PYCR3: variants seen among roughly 807,000 people sequenced by gnomAD.
PYCR3 encodes P5C reductase 3.
In PYCR3, 26 loss-of-function variants were observed where a neutral mutation model predicts 23.4. The ratio of observed to expected loss-of-function variants is 1.11; its 90% CI spans 0.81 to 1.54. The LOEUF is 1.54. Among genes scored for constraint, PYCR3 ranks in the 40% most tolerant of loss-of-function variants. The pLI, the probability that PYCR3 is intolerant of heterozygous loss-of-function variation, is 0.00. For synonymous variants in PYCR3, 194 were observed against 162.6 expected, an observed-to-expected ratio of 1.19 and a Z score of -1.47; for missense variants, 360 against 376.3, an observed-to-expected ratio of 0.96 and a Z score of 0.36.
At position 143,603,912 on chromosome 8, in the gene PYCR3, T is replaced by TC. The variant is rs1241823106; in HGVS notation, c.*1787dup. On this transcript the variant is annotated 3_prime_UTR_variant, in exon 6 of 6. Coordinates refer to ENST00000495276, the MANE Select transcript of PYCR3 (RefSeq NM_023078.6). ...GCATTGGACCTTCTTTTTTTTTTTT[T>TC]CCAAGACAGAGTCTTGCTGTCACCC... is the stretch of plus-strand genomic sequence containing the variant. The TC allele has an allele frequency of 6.6e-6, 1 of 151,824 alleles. No homozygotes were observed. The highest frequency in any genetic ancestry group is 1.5e-5 in the Non-Finnish European group (1 of 67,890). The allele number at this position is 151,824 out of a possible 1,614,324, so 9.4% of individuals were successfully genotyped here.
rs1190302915 is a variant in PYCR3, at chr8:143,605,805, G to A, written c.720C>T (p.Thr240=). ...CCAGGGCGTGGAGTCCATAGATGGT[G>A]GTGCCACCCGGGGTGCACACGTCTG... The part of the protein sequence containing the change: ...LRSDVCTPGG[T]TIYGLHALEQ... Residue 240 remains threonine, a synonymous_variant, in exon 6 of 6, where the codon ACC becomes ACT. Coordinates refer to ENST00000495276, the MANE Select transcript of PYCR3 (RefSeq NM_023078.6). 1 of 1,612,224 alleles carries A rather than the reference G, an allele frequency of 6.2e-7. No homozygotes were observed. The highest frequency in any genetic ancestry group is 1.7e-5 in the Admixed American group (1 of 60,016).
Position 143,608,083 on chromosome 8 carries a change from G to A in PYCR3, c.135C>T (p.Asp45=). 1 of 1,613,734 alleles carries A rather than the reference G, an allele frequency of 6.2e-7. No homozygotes were observed. Among genetic ancestry groups the A allele is most frequent in the Non-Finnish European group, 8.5e-7 (1 of 1,179,738 alleles). ...AQHILASAPT[D]RNLCHFQALG... is the part of the protein sequence containing the mutation. ...TCACTTGAAAGTGACATAGGTTCCT[G>A]TCTGTTGGTGCACTGGCCAGTATGT... is the stretch of plus-strand genomic sequence containing the variant. The change falls in exon 2 of 6, where the codon GAC becomes GAT. Residue 45 remains aspartate (D), a synonymous_variant. Coordinates refer to ENST00000495276, the MANE Select transcript of PYCR3 (RefSeq NM_023078.6).
intron 1 of PYCR3, chr8:143,608,381 A>T (rs1458849268): frequency 1.9e-6 from 1 of 526,430 alleles, no homozygotes. Context: ...ATTGGTGAGG[A>T]CACAGATCCC....
chr8:143,606,235 AG>A, intron 4 of PYCR3, 81 bp from the exon 5 acceptor site: 2 of 1,394,230 alleles, frequency 1.4e-6, no homozygotes, highest in Non-Finnish European at 2.0e-6. Flanking sequence ...TGCCCAGAGC[AG>A]TAGCCGTGGG....
rs145694073 is a variant in PYCR3 at position 143,608,612 on chromosome 8, G to A, written c.92-486C>T. Among the ~76,000 whole-genome samples the A allele has an allele frequency of 2.6e-4, 40 of 152,336 alleles. No individual in the cohort carries two copies. In the East Asian group the frequency reaches 7.1e-3, roughly 27 times the overall value. ...GGTAGAAATTATCTGCTTTTGTCGG[G>A]TACGGGGTGGAAAGATTGGGTTAGA... On this transcript the variant is annotated intron_variant, in intron 1 of 5. Transcript: ENST00000495276.
In PYCR3 at chr8:143,604,574, C is replaced by T; in HGVS notation, c.*1126G>A. 1 of 307,790 alleles carries T rather than the reference C, an allele frequency of 3.2e-6. No homozygotes were observed. Among genetic ancestry groups the T allele is most frequent in the Non-Finnish European group, 6.3e-6 (1 of 159,264 alleles). The allele number at this position is 307,790 out of a possible 1,614,324, so 19.1% of individuals were successfully genotyped here. A position where few individuals can be genotyped will look rare whatever the true frequency, so the allele number is the denominator to read the frequency against. The stretch of plus-strand genomic sequence containing the variant: ...TCGCTGAGGGCATGCTCCCGCCTCA[C>T]CTCCAGAGGCTGTTGGGCGGAAGCC... On this transcript the variant is annotated 3_prime_UTR_variant, in exon 6 of 6. Transcript: ENST00000495276.
At chr8:143,609,030 C>G (rs984847493) in intron 1 of PYCR3, among the ~76,000 whole-genome samples, 3 of 152,262 alleles carry the variant, frequency 2.0e-5, no homozygotes, top group East Asian at 1.9e-4. Flanking sequence ...CTCCTCCCCC[C>G]ACCCAGGGGA....
chr8:143,604,692 C>T lies in PYCR3; in HGVS notation c.*1008G>A. Reference sequence around the variant, plus strand: ...GAGCTGAGGCTGTCCGGCCCGGGCCCTCCCCACCCAAAGGCCCTAGAACCC... The same window carrying T: ...GAGCTGAGGCTGTCCGGCCCGGGCCTTCCCCACCCAAAGGCCCTAGAACCC... On this transcript the variant is annotated 3_prime_UTR_variant, in exon 6 of 6. Transcript: ENST00000495276. The T allele has an allele frequency of 6.0e-6, 2 of 331,626 alleles. No individual in the cohort carries two copies. Among genetic ancestry groups the T allele is most frequent in the Non-Finnish European group, 1.2e-5 (2 of 170,866 alleles). The allele number at this position is 331,626 out of a possible 1,614,324, so 20.5% of individuals were successfully genotyped here. A position where few individuals can be genotyped will look rare whatever the true frequency, so the allele number is the denominator to read the frequency against.
Position 143,604,685 on chromosome 8 carries a change from C to T in PYCR3, c.*1015G>A, listed in dbSNP as rs1220099847. On this transcript the variant is annotated 3_prime_UTR_variant, in exon 6 of 6. Transcript: ENST00000495276. ...GGGGACGGAGCTGAGGCTGTCCGGC[C>T]CGGGCCCTCCCCACCCAAAGGCCCT... 1.2e-5 allele frequency: 4 copies of T among 329,120 alleles called. No homozygotes were observed. Among genetic ancestry groups the T allele is most frequent in the Non-Finnish European group, 2.4e-5 (4 of 169,636 alleles). The allele number at this position is 329,120 out of a possible 1,614,324, so 20.4% of individuals were successfully genotyped here.
chr8:143,606,977 C>T lies in PYCR3; in HGVS notation c.312G>A (p.Gly104=), dbSNP rs200836438. The change falls in exon 3 of 6, where the codon GGG becomes GGA. Residue 104 remains glycine (G), a synonymous_variant. Coordinates refer to ENST00000495276, the MANE Select transcript of PYCR3 (RefSeq NM_023078.6). ...TEHILVSVAA[G]VSLSTLEELL... is the part of the protein sequence containing the mutation. The stretch of plus-strand genomic sequence containing the variant: ...CCTCCTCCAGGGTGCTCAGAGACAC[C>T]CCAGCAGCCACGGACACCAAGATGT... 2.5e-6 allele frequency: 4 copies of T among 1,607,988 alleles called. No individual in the cohort carries two copies. The Admixed American group carries it at 6.7e-5, about 27-fold the overall frequency.
At position 143,603,934 on chromosome 8, in the gene PYCR3, ACCCAGGCTGGAGTGCAGTG is replaced by A. The variant is rs1829320315; in HGVS notation, c.*1747_*1765del. ...TTTTCCAAGACAGAGTCTTGCTGTC[ACCCAGGCTGGAGTGCAGTG>A]GCATGATCTTGGCTCTCTGCAATCT... On this transcript the variant is annotated 3_prime_UTR_variant, in exon 6 of 6. Coordinates refer to ENST00000495276, the MANE Select transcript of PYCR3 (RefSeq NM_023078.6). 6.7e-6 allele frequency: 1 copy of A among 150,108 alleles called. No individual in the cohort carries two copies. Among genetic ancestry groups the A allele is most frequent in the Non-Finnish European group, 1.5e-5 (1 of 67,616 alleles). 9.3% of individuals were successfully genotyped at this position (150,108 alleles called of 1,614,324 possible).
rs1422982508 is a variant in PYCR3, at chr8:143,607,141, G to A, written c.157-9C>T. 6.4e-7 allele frequency: 1 copy of A among 1,553,572 alleles called. No individual in the cohort carries two copies. On this transcript the variant is annotated splice_polypyrimidine_tract_variant and intron_variant, in intron 2 of 5. Transcript: ENST00000495276. ...GTCCGGCAACCCAGAGCCTGCGCCAGGGACACCAGGACCAAGCCTCAGGGG... is the reference window on the plus strand; with the variant it reads ...GTCCGGCAACCCAGAGCCTGCGCCAAGGACACCAGGACCAAGCCTCAGGGG...
rs114236522 is a variant in PYCR3, at chr8:143,608,541, G to A, written c.92-415C>T. The A allele has an allele frequency of 1.2e-3, 378 of 312,562 alleles. 1 individual carries two copies. The highest frequency in any genetic ancestry group is 7.6e-3 in the African/African-American group (346 of 45,590). 19.4% of individuals were successfully genotyped at this position (312,562 alleles called of 1,614,324 possible). ...AATCGGGGCCCAGGTTCTTCGAGAG[G>A]GAGAGTCTATGCTGGAATGTCTAAG... is the stretch of plus-strand genomic sequence containing the variant. On this transcript the variant is annotated intron_variant, in intron 1 of 5. Transcript: ENST00000495276.
Position 143,609,467 on chromosome 8 carries a change from TGA to T in PYCR3, c.80_81del (p.Leu27HisfsTer68). On this transcript the variant is annotated frameshift_variant, in exon 1 of 6. Coordinates refer to ENST00000495276, the MANE Select transcript of PYCR3 (RefSeq NM_023078.6). LOFTEE classifies it high-confidence loss of function. ...GRMAGAIAQG[L>X]IRAGKVEAQH... ...CCCCGCGCCGCCCCACCTGCTCTGA[TGA>T]GGCCCTGCGCGATGGCCCCCGCCAT... 6.6e-7 allele frequency: 1 copy of T among 1,512,030 alleles called. No individual in the cohort carries two copies. Among genetic ancestry groups the T allele is most frequent in the Non-Finnish European group, 8.8e-7 (1 of 1,137,958 alleles). 93.7% of individuals were successfully genotyped at this position (1,512,030 alleles called of 1,614,324 possible).
Position 143,607,545 on chromosome 8 carries a change from CAT to C in PYCR3, c.157-415_157-414del, listed in dbSNP as rs372209618. On this transcript the variant is annotated intron_variant, in intron 2 of 5. Transcript: ENST00000495276. ...ACACACACCCACTCGAGCATGCACT[CAT>C]GTGTACACGCACGCACTCATACACG... 5.3e-4 allele frequency among the ~76,000 whole-genome samples: 80 copies of C among 152,246 alleles called. 2 individuals carry two copies. The highest frequency in any genetic ancestry group is 6.2e-4 in the South Asian group (3 of 4,828).
chr8:143,605,659 G>A lies in PYCR3; in HGVS notation c.*41C>T, dbSNP rs1414038811. 1.3e-6 allele frequency: 2 copies of A among 1,552,682 alleles called. No homozygotes were observed. The highest frequency in any genetic ancestry group is 1.8e-6 in the Non-Finnish European group (2 of 1,140,242). ...CCTCAGGGGAAGGGACACAGGGAGA[G>A]GCAGGGGCACAGAGGCAGGAAAGGA... On this transcript the variant is annotated 3_prime_UTR_variant, in exon 6 of 6. Coordinates refer to ENST00000495276, the MANE Select transcript of PYCR3 (RefSeq NM_023078.6).
In PYCR3 at chr8:143,605,508, G is replaced by A. The variant is rs1829367850; in HGVS notation, c.*192C>T. 1.7e-6 allele frequency: 1 copy of A among 585,980 alleles called. No homozygotes were observed. Among genetic ancestry groups the A allele is most frequent in the East Asian group, 2.8e-5 (1 of 35,760 alleles). The allele number at this position is 585,980 out of a possible 1,614,324, so 36.3% of individuals were successfully genotyped here. On this transcript the variant is annotated 3_prime_UTR_variant, in exon 6 of 6. Coordinates refer to ENST00000495276, the MANE Select transcript of PYCR3 (RefSeq NM_023078.6). ...TGCCTTCTGCTCACTGGGGAGGGAG[G>A]AGTGTCCCCACTGGTCGGGGCTCCC... is the stretch of plus-strand genomic sequence containing the variant.
intron 2 of PYCR3, among the ~76,000 whole-genome samples, chr8:143,607,713 C>T (rs1296182423): frequency 6.6e-6 from 1 of 152,094 alleles, no homozygotes; most frequent in East Asian, 1.9e-4. Context: ...TACATGCACT[C>T]ACCACACGTG....
In PYCR3 at chr8:143,606,460, TACTC is replaced by T. The variant is rs753148587; in HGVS notation, c.549+3_549+6del. ...GTGGGGCCGGGGATGGACGAGGCAATACTCACGAAGGCCACGCCACTGCCACTGA... is the reference window on the plus strand; with the variant it reads ...GTGGGGCCGGGGATGGACGAGGCAATACGAAGGCCACGCCACTGCCACTGA... On this transcript the variant is annotated splice_donor_5th_base_variant and intron_variant, in intron 4 of 5. Transcript: ENST00000495276. The T allele has an allele frequency of 2.5e-6, 4 of 1,612,002 alleles. No homozygotes were observed. Among genetic ancestry groups the T allele is most frequent in the Non-Finnish European group, 3.4e-6 (4 of 1,179,772 alleles).
Sources: gnomAD v4.1 joint callset for allele counts (sites outside exome capture counted in the v4.1 genomes callset) on GRCh38, gnomAD v4.1.1 for gene constraint, MANE v1.5 for transcripts, NCBI Gene and HGNC (gene_info 2026-07-23, HGNC 2026-07-21) for gene names.